DNA2: variants seen among roughly 807,000 people sequenced by gnomAD.
The protein encoded by DNA2 is DNA replication helicase/nuclease 2.
In DNA2, 101 loss-of-function variants were observed where a neutral mutation model predicts 119.1. That is an observed-to-expected ratio of 0.85 (90% CI 0.72 to 1.00). DNA2 has a LOEUF of 1.00. Among genes scored for constraint, DNA2 ranks in the 50% least tolerant of loss-of-function variants. DNA2 has a pLI of 0.00. For missense variants in DNA2, 1,121 were observed against 1,255.5 expected (o/e 0.89, Z 1.62); for synonymous variants, 366 against 424.4 (o/e 0.86, Z 1.69).
chr10:68,417,579 G>T (rs577166529), intron 19 of DNA2, among the ~76,000 whole-genome samples: 6 of 151,370 alleles, frequency 4.0e-5, no homozygotes, highest in African/African-American at 1.5e-4. Flanking sequence ...ACTGAACCAG[G>T]GAGGTGGATA....
chr10:68,466,080 G>A (rs2052323836), intron 3 of DNA2, among the ~76,000 whole-genome samples: 1 of 151,640 alleles, frequency 6.6e-6, no homozygotes. Context: ...GAGCACAGTG[G>A]CACAATCTCA....
chr10:68,447,316 G>A (rs764590293), intron 6 of DNA2, among the ~76,000 whole-genome samples: 24 of 151,844 alleles, frequency 1.6e-4, no homozygotes, highest in Non-Finnish European at 2.9e-4. Flanking sequence ...TCAGGAGTTC[G>A]AGACCAGCCT....
chr10:68,456,344 T>TA (rs1258307793), intron 5 of DNA2, among the ~76,000 whole-genome samples: 1 of 152,324 alleles, frequency 6.6e-6, no homozygotes, highest in East Asian at 1.9e-4. Flanking sequence ...CCAGGCTCAT[T>TA]ATATCATTCG....
chr10:68,415,083 G>A lies in DNA2; in HGVS notation c.3139C>T (p.His1047Tyr). ...CCCAATATGTGGCAAAGACTTTCATGTTCTCTTGATGGAAGATCAATGATG... is the reference window on the plus strand; with the variant it reads ...CCCAATATGTGGCAAAGACTTTCATATTCTCTTGATGGAAGATCAATGATG... ...KLIIDLPSRE[H>Y]ESLCHILGDF... Residue 1047 changes from histidine to tyrosine, a missense_variant, in exon 21 of 21, where the codon CAT (histidine) becomes TAT (tyrosine). Transcript: ENST00000358410. 1 of 1,575,946 alleles carries A rather than the reference G, an allele frequency of 6.3e-7. No homozygotes were observed. The highest frequency in any genetic ancestry group is 8.6e-7 in the Non-Finnish European group (1 of 1,158,122).
At chr10:68,465,401 C>T (rs1304065689) in intron 4 of DNA2, among the ~76,000 whole-genome samples, 2 of 151,914 alleles carry the variant, frequency 1.3e-5, no homozygotes, top group African/African-American at 2.4e-5. Flanking sequence ...AGAACTAATG[C>T]AAAAAAGTTC....
intron 8 of DNA2, among the ~76,000 whole-genome samples, 168 bp from the exon 9 acceptor site, chr10:68,443,279 A>T (rs1206426926): frequency 6.6e-6 from 1 of 152,250 alleles, no homozygotes; most frequent in Non-Finnish European, 1.5e-5. Context: ...ATGGCTTTTT[A>T]TAAAACCAAA....
chr10:68,414,236 C>T lies in DNA2; in HGVS notation c.*803G>A, dbSNP rs2051560233. ...TCTGTTACCCCAAGAATCTTTTAAC[C>T]TTTGTTAAAATCTGTTACTTTTTAT... is the stretch of plus-strand genomic sequence containing the variant. On this transcript the variant is annotated 3_prime_UTR_variant, in exon 21 of 21. Coordinates refer to ENST00000358410, the MANE Select transcript of DNA2 (RefSeq NM_001080449.3). The T allele has an allele frequency of 1.3e-5, 2 of 150,766 alleles. No homozygotes were observed. Among genetic ancestry groups the T allele is most frequent in the Admixed American group, 1.3e-4 (2 of 14,996 alleles). 9.3% of individuals were successfully genotyped at this position (150,766 alleles called of 1,614,324 possible). A position where few individuals can be genotyped will look rare whatever the true frequency, so the allele number is the denominator to read the frequency against.
At chr10:68,437,277 A>G (rs12251938) in intron 9 of DNA2, 36 bp from the exon 10 acceptor site, 1 of 1,499,086 alleles carries the variant, frequency 6.7e-7, no homozygotes, top group East Asian at 2.3e-5. Flanking sequence ...ACTTCTGTTT[A>G]TATTACATAC....
Position 68,433,786 on chromosome 10 carries a change from G to C in DNA2, c.1647-1276C>G, listed in dbSNP as rs553780318. ...TGATACGTAAGACATTCTATGACCT[G>C]ATCTAATTACTCTCTTCCTTATATT... On this transcript the variant is annotated intron_variant, in intron 10 of 20. Transcript: ENST00000358410. Among the ~76,000 whole-genome samples, 5 of 152,192 alleles carry C rather than the reference G, an allele frequency of 3.3e-5. No homozygotes were observed. The South Asian group carries it at 1.0e-3, about 32-fold the overall frequency.
At position 68,459,184 on chromosome 10, in the gene DNA2, A is replaced by G. The variant is rs547540623; in HGVS notation, c.639T>C (p.Tyr213=). The G allele has an allele frequency of 6.3e-7, 1 of 1,576,242 alleles. No homozygotes were observed. The highest frequency in any genetic ancestry group is 1.3e-5 in the African/African-American group (1 of 74,296). Residue 213 remains tyrosine (Y), a synonymous_variant, in exon 5 of 21, where the codon TAT becomes TAC. Transcript: ENST00000358410. ...QDEIKQEVED[Y]LPSFCKWAGD... ...CTGCCCATTTACAAAACGAAGGAAG[A>G]TAGTCCTCTACTTCTTGTTTTATTT...
At chr10:68,456,599 AG>A (rs1446828472) in intron 5 of DNA2, among the ~76,000 whole-genome samples, 7 of 151,884 alleles carry the variant, frequency 4.6e-5, no homozygotes, top group Admixed American at 2.0e-4. Flanking sequence ...TTTTTAGTAG[AG>A]ATGGTGTTCC....
chr10:68,422,979 G>GT (rs1174367737), intron 14 of DNA2, 89 bp from the exon 15 acceptor site: 3 of 990,438 alleles, frequency 3.0e-6, no homozygotes, highest in Non-Finnish European at 4.3e-6. Context: ...AGATCAAAAG[G>GT]TTTTTGTTCT....
intron 5 of DNA2, among the ~76,000 whole-genome samples, chr10:68,456,341 C>T (rs1186398972): frequency 1.3e-5 from 2 of 152,180 alleles, no homozygotes; most frequent in Non-Finnish European, 2.9e-5. Context: ...CATCCAGGCT[C>T]ATTATATCAT....
At chr10:68,435,276 T>C (rs2051873001) in intron 10 of DNA2, among the ~76,000 whole-genome samples, 1 of 151,696 alleles carries the variant, frequency 6.6e-6, no homozygotes, top group African/African-American at 2.4e-5. Context: ...CTCAAACTCC[T>C]GGTCTCAAGC....
At chr10:68,437,272 T>A in intron 9 of DNA2, 31 bp from the exon 10 acceptor site, 3 of 1,532,986 alleles carry the variant, frequency 2.0e-6, no homozygotes, top group Non-Finnish European at 2.7e-6. Flanking sequence ...AAAAAACTTC[T>A]GTTTATATTA....
rs556146767 is a variant in DNA2, at chr10:68,464,748, G to C, written c.587+919C>G. ...GGAGGCTGAGGCAGCAGAATTGCTT[G>C]AACCTGGGAGGCAGAGGTTGTGGTG... is the stretch of plus-strand genomic sequence containing the variant. On this transcript the variant is annotated intron_variant, in intron 4 of 20. Transcript: ENST00000358410. Among the ~76,000 whole-genome samples, 11 of 136,666 alleles carry C rather than the reference G, an allele frequency of 8.0e-5. No homozygotes were observed. In the East Asian group the frequency reaches 2.8e-3, roughly 34 times the overall value. 89.7% of individuals were successfully genotyped at this position (136,666 alleles called of 152,430 possible).
chr10:68,419,249 T>C (rs41305002), intron 18 of DNA2, 36 bp from the exon 19 acceptor site: 18,440 of 1,430,964 alleles, frequency 0.013, 161 homozygotes, highest in Middle Eastern at 0.038. Context: ...AAGAAAGAAA[T>C]CCTGATTAAG....
intron 10 of DNA2, among the ~76,000 whole-genome samples, chr10:68,436,176 C>T (rs2051885931): frequency 6.6e-6 from 1 of 152,114 alleles, no homozygotes; most frequent in Non-Finnish European, 1.5e-5. Context: ...ACTCAAATGT[C>T]CATCAGCTGG....
chr10:68,459,279 C>A (rs1590072337), intron 4 of DNA2, 44 bp from the exon 5 acceptor site: 1 of 1,468,492 alleles, frequency 6.8e-7, no homozygotes, highest in Non-Finnish European at 9.0e-7. Context: ...TTAAGCGGTA[C>A]CTGCCAAAAA....
Sources: allele counts gnomAD v4.1 joint callset (sites outside exome capture counted in the v4.1 genomes callset), GRCh38; gene constraint gnomAD v4.1.1; transcripts MANE v1.5; gene names NCBI Gene and HGNC (gene_info 2026-07-23, HGNC 2026-07-21).